FARS2: variants seen among roughly 807,000 people sequenced by gnomAD.
FARS2 encodes the protein phenylalanine--tRNA ligase, mitochondrial.
FARS2 carries 40 observed loss-of-function variants against 46.4 expected under a neutral mutation model. That is an observed-to-expected ratio of 0.86 (90% CI 0.67 to 1.12). The LOEUF (loss-of-function observed/expected upper bound fraction) is 1.12, where lower values mean the gene tolerates loss of function less well. Among genes scored for constraint, FARS2 ranks in the 50% most tolerant of loss-of-function variants. FARS2 has a pLI of 0.00. For missense variants in FARS2, 513 were observed against 567.9 expected (o/e 0.90, Z 0.98); for synonymous variants, 234 against 214.9 (o/e 1.09, Z -0.78).
intron 1 of FARS2, among the ~76,000 whole-genome samples, chr6:5,316,713 T>G (rs1311301255): frequency 6.6e-6 from 1 of 152,212 alleles, no homozygotes; most frequent in East Asian, 1.9e-4. Flanking sequence ...GAATTTTACT[T>G]CCAGGAGTCT....
chr6:5,629,502 T>C (rs1374290825), intron 6 of FARS2, among the ~76,000 whole-genome samples: 1 of 152,070 alleles, frequency 6.6e-6, no homozygotes, highest in East Asian at 1.9e-4. Context: ...AGTGAAGTAG[T>C]GTGAGCAGCA....
intron 1 of FARS2, among the ~76,000 whole-genome samples, chr6:5,292,109 G>T (rs1158187941): frequency 2.6e-5 from 4 of 152,152 alleles, no homozygotes; most frequent in Non-Finnish European, 5.9e-5. Flanking sequence ...AGGTGAAGGG[G>T]CTGGGAGACC....
intron 6 of FARS2, among the ~76,000 whole-genome samples, chr6:5,686,382 G>A (rs1305009125): frequency 1.3e-5 from 2 of 151,254 alleles, no homozygotes. Flanking sequence ...GCCCCAGTGT[G>A]TGATGTTCCC....
At chr6:5,435,117 A>G (rs1210247087) in intron 4 of FARS2, among the ~76,000 whole-genome samples, 1 of 152,250 alleles carries the variant, frequency 6.6e-6, no homozygotes, top group Non-Finnish European at 1.5e-5. Context: ...GAAACTTGCC[A>G]AGTCTTTCTG....
At chr6:5,519,832 G>A (rs1769023575) in intron 4 of FARS2, among the ~76,000 whole-genome samples, 1 of 152,172 alleles carries the variant, frequency 6.6e-6, no homozygotes, top group African/African-American at 2.4e-5. Context: ...GGCTTGCGGT[G>A]TGATCTTAAT....
chr6:5,674,931 T>A (rs901515858), intron 6 of FARS2, among the ~76,000 whole-genome samples: 1 of 152,180 alleles, frequency 6.6e-6, no homozygotes, highest in Non-Finnish European at 1.5e-5. Flanking sequence ...GTTCTCAGAG[T>A]CACAAGAAGT....
chr6:5,637,510 C>T (rs969248114), intron 6 of FARS2, among the ~76,000 whole-genome samples: 5 of 152,210 alleles, frequency 3.3e-5, no homozygotes, highest in Non-Finnish European at 5.9e-5. Context: ...GCATCGCCCT[C>T]AGCAGTCAAA....
intron 6 of FARS2, among the ~76,000 whole-genome samples, chr6:5,660,941 A>G (rs147878596): frequency 0.011 from 1,747 of 152,288 alleles, 23 homozygotes; most frequent in African/African-American, 0.04. Flanking sequence ...TGTTTTAAGC[A>G]AGGAATGTCA....
At chr6:5,645,025 T>C (rs981003618) in intron 6 of FARS2, among the ~76,000 whole-genome samples, 1 of 152,222 alleles carries the variant, frequency 6.6e-6, no homozygotes, top group African/African-American at 2.4e-5. Flanking sequence ...AGGCACAGAA[T>C]AGTACCTTAT....
chr6:5,625,859 A>C (rs1421971246), intron 6 of FARS2, among the ~76,000 whole-genome samples: 2 of 152,120 alleles, frequency 1.3e-5, no homozygotes, highest in Non-Finnish European at 2.9e-5. Context: ...GAGAGGTGGG[A>C]CTGGGCTTGG....
chr6:5,466,560 C>G (rs1361115300), intron 4 of FARS2: 28 of 985,266 alleles, frequency 2.8e-5, no homozygotes, highest in Non-Finnish European at 3.4e-5. Context: ...ATTCCCTAGG[C>G]TTGTTTCAGT....
chr6:5,590,999 A>G (rs1211299660), intron 5 of FARS2, among the ~76,000 whole-genome samples: 1 of 152,210 alleles, frequency 6.6e-6, no homozygotes, highest in Non-Finnish European at 1.5e-5. Context: ...GGTGTAAATT[A>G]TGCATATCAA....
intron 1 of FARS2, among the ~76,000 whole-genome samples, chr6:5,273,538 T>G (rs1766113921): frequency 6.6e-6 from 1 of 152,112 alleles, no homozygotes; most frequent in African/African-American, 2.4e-5. Context: ...GAGTTGTTTG[T>G]GCTCATTATA....
At chr6:5,685,223 AT>A (rs990863382) in intron 6 of FARS2, among the ~76,000 whole-genome samples, 3 of 152,078 alleles carry the variant, frequency 2.0e-5, no homozygotes, top group South Asian at 2.1e-4. Context: ...TCAAGGAAGA[AT>A]TTTTTTCCCT....
rs1163295455 is a variant in FARS2, at chr6:5,630,320, A to C, written c.1217+17000A>C. 6.6e-6 allele frequency among the ~76,000 whole-genome samples: 1 copy of C among 152,208 alleles called. No individual in the cohort carries two copies. The highest frequency in any genetic ancestry group is 2.4e-5 in the African/African-American group (1 of 41,448). On this transcript the variant is annotated intron_variant, in intron 6 of 6. Coordinates refer to ENST00000274680, the MANE Select transcript of FARS2 (RefSeq NM_006567.5). The surrounding 1 kb of genome is among the most constrained non-coding windows in gnomAD (Gnocchi z 4.2). ...GAGTGAGACTGTAGTGTCATCAGAA[A>C]ACAAGCGCAGACCACATGGATTTGA... is the stretch of plus-strand genomic sequence containing the variant.
At chr6:5,741,606 C>T (rs1190686781) in intron 6 of FARS2, among the ~76,000 whole-genome samples, 1 of 152,224 alleles carries the variant, frequency 6.6e-6, no homozygotes, top group African/African-American at 2.4e-5. Flanking sequence ...GCTTGCACAA[C>T]AGCCTCCTGG....
At chr6:5,646,092 C>T (rs1160418018) in intron 6 of FARS2, among the ~76,000 whole-genome samples, 2 of 151,974 alleles carry the variant, frequency 1.3e-5, no homozygotes, top group Non-Finnish European at 1.5e-5. Flanking sequence ...GAATAAGAAG[C>T]TAGAACTGAC....
At chr6:5,251,476 T>C in the FARS2 span, among the ~76,000 whole-genome samples, 1 of 152,096 alleles carries the variant, frequency 6.6e-6, no homozygotes, top group African/African-American at 2.4e-5. Flanking sequence ...CTTACAATCA[T>C]GGCAGAAGGT....
intron 1 of FARS2, among the ~76,000 whole-genome samples, chr6:5,328,402 T>C (rs1034537554): frequency 6.6e-6 from 1 of 152,150 alleles, no homozygotes; most frequent in African/African-American, 2.4e-5. Context: ...TTTTGTTTGT[T>C]TTTTTGTTTT....
Sources: allele counts gnomAD v4.1 joint callset (sites outside exome capture counted in the v4.1 genomes callset), GRCh38; gene constraint gnomAD v4.1.1; non-coding constraint Gnocchi (gnomAD v3.1); transcripts MANE v1.5; gene names NCBI Gene and HGNC (gene_info 2026-07-23, HGNC 2026-07-21).